RAB3GAP1: variants seen among roughly 807,000 people sequenced by gnomAD.
RAB3GAP1 encodes the protein RAB3 GTPase activating protein catalytic subunit 1, also known as rab3 GTPase-activating protein catalytic subunit.
RAB3GAP1 carries 86 observed loss-of-function variants against 130.7 expected under a neutral mutation model. The ratio of observed to expected loss-of-function variants is 0.66; its 90% CI spans 0.55 to 0.79. The LOEUF (loss-of-function observed/expected upper bound fraction) is 0.79. Ranked by LOEUF, RAB3GAP1 falls within the 30% of genes least tolerant of loss-of-function variation. The pLI is 0.00. For synonymous variants in RAB3GAP1, 367 were observed against 401.7 expected, an observed-to-expected ratio of 0.91 and a Z score of 1.03; for missense variants, 1,029 against 1,169.4, an observed-to-expected ratio of 0.88 and a Z score of 1.75.
Position 135,058,249 on chromosome 2 carries a change from G to A in RAB3GAP1, c.150+163G>A. The A allele has an allele frequency of 4.6e-5, 30 of 654,862 alleles. No homozygotes were observed. The South Asian group carries it at 5.1e-4, about 11-fold the overall frequency. The allele number at this position is 654,862 out of a possible 1,614,324, so 40.6% of individuals were successfully genotyped here. ...GGAAGAATTTGGATTTAAATCTGTGGCAAATGATATATGTAAGACATTTGT... is the reference window on the plus strand; with the variant it reads ...GGAAGAATTTGGATTTAAATCTGTGACAAATGATATATGTAAGACATTTGT... On this transcript the variant is annotated intron_variant, in intron 3 of 23. Transcript: ENST00000264158.
chr2:135,140,437 AT>A (rs992777066), intron 17 of RAB3GAP1, among the ~76,000 whole-genome samples: 28 of 152,288 alleles, frequency 1.8e-4, no homozygotes, highest in Admixed American at 1.2e-3. Flanking sequence ...AGGTTTAGTG[AT>A]TTTCTAGGAA....
chr2:135,085,286 C>T (rs1301631925), intron 3 of RAB3GAP1, among the ~76,000 whole-genome samples: 1 of 151,912 alleles, frequency 6.6e-6, no homozygotes, highest in Non-Finnish European at 1.5e-5. Context: ...ATGTGTAATA[C>T]TATAATACAT....
chr2:135,124,692 C>A (rs759628791), intron 9 of RAB3GAP1, among the ~76,000 whole-genome samples: 2 of 152,104 alleles, frequency 1.3e-5, no homozygotes, highest in Non-Finnish European at 2.9e-5. Context: ...CCTACACTTG[C>A]TTTATTTATT....
chr2:135,052,338 C>T lies in RAB3GAP1; in HGVS notation c.18+13C>T, dbSNP rs1327804329. ...TGCCGACAGTGAGGTGATTTCTTTG[C>T]TCCCTACTTAATCCTTGTCACTATC... is the stretch of plus-strand genomic sequence containing the variant. On this transcript the variant is annotated intron_variant, in intron 1 of 23. Transcript: ENST00000264158. 2.5e-6 allele frequency: 4 copies of T among 1,614,106 alleles called. No individual in the cohort carries two copies. In the South Asian group the frequency reaches 3.3e-5, roughly 13 times the overall value.
At chr2:135,112,357 A>C (rs2104911405) in intron 5 of RAB3GAP1, among the ~76,000 whole-genome samples, 1 of 152,238 alleles carries the variant, frequency 6.6e-6, no homozygotes, top group East Asian at 1.9e-4. Flanking sequence ...GTTCAAAGGC[A>C]AATACACTGA....
At chr2:135,092,031 G>C (rs925596313) in intron 4 of RAB3GAP1, among the ~76,000 whole-genome samples, 6 of 152,104 alleles carry the variant, frequency 3.9e-5, no homozygotes, top group Non-Finnish European at 8.8e-5. Flanking sequence ...ATAGAATTTT[G>C]TTACCTTTTC....
intron 7 of RAB3GAP1, among the ~76,000 whole-genome samples, chr2:135,117,788 T>G (rs1399619249): frequency 6.7e-6 from 1 of 149,336 alleles, no homozygotes; most frequent in African/African-American, 2.5e-5. Flanking sequence ...CTTCTTCTGC[T>G]TCTTCTTCTT....
At chr2:135,142,274 G>C (rs1691865723) in intron 17 of RAB3GAP1, among the ~76,000 whole-genome samples, 1 of 151,988 alleles carries the variant, frequency 6.6e-6, no homozygotes. Flanking sequence ...ATATTTCCAA[G>C]GTATTTGTAA....
At chr2:135,115,443 A>AT in intron 7 of RAB3GAP1, 62 bp downstream of exon 7, 2 of 1,501,158 alleles carry the variant, frequency 1.3e-6, no homozygotes, top group Non-Finnish European at 9.2e-7. Flanking sequence ...AGATTTGATC[A>AT]TTTTATTCAG....
chr2:135,135,918 A>G lies in RAB3GAP1; in HGVS notation c.1909A>G (p.Ile637Val), dbSNP rs755371766. 2 of 1,614,092 alleles carry G rather than the reference A, an allele frequency of 1.2e-6. No homozygotes were observed. Among genetic ancestry groups the G allele is most frequent in the Non-Finnish European group, 1.7e-6 (2 of 1,179,900 alleles). The change falls in exon 17 of 24, where the codon ATT becomes GTT. Residue 637 changes from isoleucine to valine, a missense_variant. Around this residue, in one of 3 missense-constraint regions of RAB3GAP1, gnomAD observed 373 missense variants for 493.6 expected, o/e 0.76. Transcript: ENST00000264158. ...TLLHNGEPLY[I>V]PVTQEPAPMT... Reference sequence around the variant, plus strand: ...GCTGCATAATGGAGAACCTCTCTACATTCCAGTAACCCAGGTAGGATGCAC... The same window carrying G: ...GCTGCATAATGGAGAACCTCTCTACGTTCCAGTAACCCAGGTAGGATGCAC...
chr2:135,168,456 T>A, intron 23 of RAB3GAP1, 89 bp from the exon 24 acceptor site: 1 of 1,068,148 alleles, frequency 9.4e-7, no homozygotes, highest in Non-Finnish European at 1.5e-6. Flanking sequence ...CATTTTCATA[T>A]CTTTATTATG....
intron 5 of RAB3GAP1, among the ~76,000 whole-genome samples, chr2:135,105,804 C>A (rs565486991): frequency 6.6e-6 from 1 of 151,588 alleles, no homozygotes; most frequent in Non-Finnish European, 1.5e-5. Context: ...TCTGCCTGGC[C>A]GCCCATCGTC....
intron 23 of RAB3GAP1, among the ~76,000 whole-genome samples, chr2:135,166,353 T>C (rs1162711225): frequency 1.3e-5 from 2 of 152,128 alleles, no homozygotes; most frequent in African/African-American, 4.8e-5. Flanking sequence ...TTATATTTAT[T>C]TATTCATTTT....
chr2:135,144,582 T>G (rs1240974644), intron 17 of RAB3GAP1, among the ~76,000 whole-genome samples: 1 of 152,242 alleles, frequency 6.6e-6, no homozygotes, highest in African/African-American at 2.4e-5. Context: ...CCAGAACTTG[T>G]ACCATGGCTT....
chr2:135,130,164 A>G, intron 12 of RAB3GAP1, 77 bp downstream of exon 12: 4 of 1,183,880 alleles, frequency 3.4e-6, no homozygotes, highest in African/African-American at 1.5e-5. Flanking sequence ...GCAACTTTTC[A>G]TCTGTTTTCT....
intron 7 of RAB3GAP1, among the ~76,000 whole-genome samples, chr2:135,118,703 GA>G (rs1691101829): frequency 6.6e-6 from 1 of 152,234 alleles, no homozygotes; most frequent in East Asian, 1.9e-4. Context: ...GAATATTTCA[GA>G]ATTAGGTCTT....
At chr2:135,073,524 G>T (rs1689537992) in intron 3 of RAB3GAP1, among the ~76,000 whole-genome samples, 2 of 152,312 alleles carry the variant, frequency 1.3e-5, no homozygotes, top group Admixed American at 1.3e-4. Flanking sequence ...AGAGGGGCAA[G>T]CTGTACAGGG....
intron 2 of RAB3GAP1, among the ~76,000 whole-genome samples, chr2:135,055,961 C>T (rs954962030): frequency 6.6e-6 from 1 of 151,702 alleles, no homozygotes; most frequent in African/African-American, 2.4e-5. Flanking sequence ...CTCAGCCTCC[C>T]AAGTAGCTGG....
chr2:135,119,473 G>A (rs914983875), intron 7 of RAB3GAP1, among the ~76,000 whole-genome samples: 4 of 152,130 alleles, frequency 2.6e-5, no homozygotes, highest in African/African-American at 9.7e-5. Context: ...CAGAGGTTAT[G>A]TGTCAAAGTG....
Sources: gnomAD v4.1 joint callset for allele counts (sites outside exome capture counted in the v4.1 genomes callset) on GRCh38, gnomAD v4.1.1 for gene constraint, gnomAD v4.1.1 regional missense constraint, MANE v1.5 for transcripts, NCBI Gene and HGNC (gene_info 2026-07-23, HGNC 2026-07-21) for gene names.